DCC: variants seen among roughly 807,000 people sequenced by gnomAD.
The protein encoded by DCC is DCC netrin 1 receptor.
A neutral mutation model predicts 172.5 loss-of-function variants in DCC; 58 were observed. The ratio of observed to expected loss-of-function variants is 0.34; its 90% CI spans 0.27 to 0.42. The LOEUF is 0.42. Ranked by LOEUF, DCC falls within the 10% of genes least tolerant of loss-of-function variation. The pLI is 1.00. For synonymous variants in DCC, 709 were observed against 644.5 expected (o/e 1.10, Z -1.52); for missense variants, 1,740 against 1,791.0 (o/e 0.97, Z 0.51).
intron 5 of DCC, among the ~76,000 whole-genome samples, chr18:53,042,048 G>C (rs903706835): frequency 6.6e-6 from 1 of 151,822 alleles, no homozygotes; most frequent in Non-Finnish European, 1.5e-5. Context: ...TGTGTTGAAC[G>C]GGAGTGGTGA....
chr18:53,370,901 C>G (rs1421119252), intron 15 of DCC, among the ~76,000 whole-genome samples: 1 of 151,652 alleles, frequency 6.6e-6, no homozygotes, highest in Non-Finnish European at 1.5e-5. Flanking sequence ...TCTTATGATT[C>G]ATGCTTAACC....
chr18:52,530,894 A>G (rs2032129778), intron 1 of DCC, among the ~76,000 whole-genome samples: 1 of 152,224 alleles, frequency 6.6e-6, no homozygotes, highest in Non-Finnish European at 1.5e-5. Context: ...TTATTTTAAC[A>G]GGCTTTAGTG....
intron 1 of DCC, among the ~76,000 whole-genome samples, chr18:52,739,237 T>C (rs1830407593): frequency 6.6e-6 from 1 of 152,144 alleles, no homozygotes; most frequent in Non-Finnish European, 1.5e-5. Context: ...TACTGAGTAG[T>C]CTCAGTCATT....
intron 1 of DCC, among the ~76,000 whole-genome samples, chr18:52,459,911 A>G (rs926917237): frequency 1.3e-5 from 2 of 151,794 alleles, no homozygotes; most frequent in East Asian, 1.9e-4. Context: ...ACACATATAT[A>G]TACACACATA....
chr18:52,361,485 A>T (rs576311313), intron 1 of DCC, among the ~76,000 whole-genome samples: 1 of 152,226 alleles, frequency 6.6e-6, no homozygotes, highest in South Asian at 2.1e-4. Context: ...TGAGATGAGA[A>T]TTGTCTCTAT....
At chr18:53,358,495 AG>A (rs1485144534) in intron 15 of DCC, among the ~76,000 whole-genome samples, 1 of 148,598 alleles carries the variant, frequency 6.7e-6, no homozygotes, top group Admixed American at 6.7e-5. Flanking sequence ...AGGAACGTGG[AG>A]GATACTAAGA....
intron 1 of DCC, among the ~76,000 whole-genome samples, chr18:52,483,385 C>T (rs1379470614): frequency 1.3e-5 from 2 of 152,046 alleles, no homozygotes; most frequent in East Asian, 3.9e-4. Flanking sequence ...AAGTAGAACA[C>T]TTTCTCCAAT....
chr18:53,033,511 T>C (rs1383474274), intron 5 of DCC, among the ~76,000 whole-genome samples: 2 of 152,152 alleles, frequency 1.3e-5, no homozygotes, highest in Non-Finnish European at 2.9e-5. Flanking sequence ...AGAGTGTCCA[T>C]GTATTCTAAA....
chr18:53,440,536 A>T (rs754372247), intron 22 of DCC, among the ~76,000 whole-genome samples: 2 of 151,972 alleles, frequency 1.3e-5, no homozygotes, highest in African/African-American at 4.8e-5. Context: ...ATTTTAACCA[A>T]TGTAAATAAA....
intron 1 of DCC, among the ~76,000 whole-genome samples, chr18:52,545,653 T>G (rs2032591231): frequency 6.6e-6 from 1 of 152,118 alleles, no homozygotes; most frequent in South Asian, 2.1e-4. Flanking sequence ...TTATCATAGG[T>G]TATTGTAATA....
At position 52,964,152 on chromosome 18, in the gene DCC, T is replaced by G. The variant is rs556545730; in HGVS notation, c.985+38782T>G. Among the ~76,000 whole-genome samples the G allele has an allele frequency of 8.5e-5, 13 of 152,276 alleles. 1 individual carries two copies. The South Asian group carries it at 2.7e-3, about 32-fold the overall frequency. On this transcript the variant is annotated intron_variant, in intron 5 of 28. Coordinates refer to ENST00000442544, the MANE Select transcript of DCC (RefSeq NM_005215.4). ...TAGTTTCATCAATAGTAAATTTCAC[T>G]CTGCTCTTTTTAAGGAACTTACCTA...
chr18:53,102,883 A>G (rs1013323734), intron 7 of DCC, among the ~76,000 whole-genome samples: 1 of 152,032 alleles, frequency 6.6e-6, no homozygotes, highest in Non-Finnish European at 1.5e-5. Context: ...CCTTTCTGCA[A>G]TACACCCCCA....
At chr18:52,500,891 T>C (rs1458260703) in intron 1 of DCC, among the ~76,000 whole-genome samples, 1 of 152,162 alleles carries the variant, frequency 6.6e-6, no homozygotes, top group African/African-American at 2.4e-5. Context: ...CCCTAAGGTA[T>C]TGAAATCCTT....
intron 8 of DCC, among the ~76,000 whole-genome samples, chr18:53,172,188 G>A (rs2055024086): frequency 6.6e-6 from 1 of 152,124 alleles, no homozygotes; most frequent in South Asian, 2.1e-4. Context: ...GATGTAGTTG[G>A]AGGCCATAAT....
rs34629572 is a variant in DCC at position 53,077,084 on chromosome 18, AT to A, written c.1261+10927del. On this transcript the variant is annotated intron_variant, in intron 7 of 28. Coordinates refer to ENST00000442544, the MANE Select transcript of DCC (RefSeq NM_005215.4). ...TCTGGTGTTTACAGGGGATTCAAAGATTTTTTTTTAACTTGGTGTTCATTCC... is the reference window on the plus strand; with the variant it reads ...TCTGGTGTTTACAGGGGATTCAAAGATTTTTTTTAACTTGGTGTTCATTCC... Among the ~76,000 whole-genome samples the A allele has an allele frequency of 3.2e-3, 487 of 151,368 alleles. 2 individuals are homozygous for A. Among genetic ancestry groups the A allele is most frequent in the Middle Eastern group, 0.01 (3 of 294 alleles).
chr18:53,277,717 A>T (rs1032940979), intron 12 of DCC, among the ~76,000 whole-genome samples: 1 of 152,118 alleles, frequency 6.6e-6, no homozygotes, highest in Non-Finnish European at 1.5e-5. Flanking sequence ...CCCTCGCTGT[A>T]CAGAAAAGCT....
intron 23 of DCC, among the ~76,000 whole-genome samples, chr18:53,452,190 C>A (rs150097035): frequency 6.6e-6 from 1 of 152,234 alleles, no homozygotes; most frequent in Non-Finnish European, 1.5e-5. Context: ...TGTGAAATCA[C>A]GGAACAGTGG....
At chr18:53,207,635 T>C (rs764091601) in intron 10 of DCC, 44 bp from the exon 11 acceptor site, 3 of 1,586,202 alleles carry the variant, frequency 1.9e-6, no homozygotes, top group Non-Finnish European at 2.6e-6. Flanking sequence ...ATTTCTACTT[T>C]AATGTGCTTC....
intron 1 of DCC, among the ~76,000 whole-genome samples, chr18:52,577,670 A>C (rs1184003739): frequency 2.0e-5 from 3 of 152,242 alleles, no homozygotes; most frequent in East Asian, 3.9e-4. Context: ...CAAGGCTTGT[A>C]ATTTAGAGCT....
Sources: gnomAD v4.1 joint callset for allele counts (sites outside exome capture counted in the v4.1 genomes callset) on GRCh38, gnomAD v4.1.1 for gene constraint, MANE v1.5 for transcripts, NCBI Gene and HGNC (gene_info 2026-07-23, HGNC 2026-07-21) for gene names.